Variants in CDH8 observed in about 807,000 individuals in gnomAD.
CDH8 encodes cadherin-8.
In CDH8, 17 loss-of-function variants were observed where a neutral mutation model predicts 68.1. That is an observed-to-expected ratio of 0.25 (90% CI 0.17 to 0.37). The LOEUF is 0.37. Among genes scored for constraint, CDH8 ranks in the 10% least tolerant of loss-of-function variants. The pLI is 1.00. For synonymous variants in CDH8, 372 were observed against 365.1 expected (o/e 1.02, Z -0.21); for missense variants, 763 against 999.3 (o/e 0.76, Z 3.19).
At chr16:61,811,751 C>T (rs1301452814) in intron 7 of CDH8, among the ~76,000 whole-genome samples, 1 of 152,092 alleles carries the variant, frequency 6.6e-6, no homozygotes, top group African/African-American at 2.4e-5. Flanking sequence ...TACGCAACAA[C>T]ATGAATGAAT....
chr16:61,689,724 T>C (rs1964181100), intron 10 of CDH8, among the ~76,000 whole-genome samples: 1 of 152,024 alleles, frequency 6.6e-6, no homozygotes, highest in Admixed American at 6.6e-5. Flanking sequence ...TTTTCTTCAG[T>C]GATGATAAGA....
At chr16:62,032,673 C>CT in intron 1 of CDH8, among the ~76,000 whole-genome samples, 1 of 152,250 alleles carries the variant, frequency 6.6e-6, no homozygotes, top group East Asian at 1.9e-4. Context: ...TCCGATTATG[C>CT]TTGTCCCTTG....
chr16:61,688,709 C>T (rs1964154739), intron 10 of CDH8, among the ~76,000 whole-genome samples: 1 of 151,882 alleles, frequency 6.6e-6, no homozygotes, highest in Non-Finnish European at 1.5e-5. Flanking sequence ...GGGATGTCGT[C>T]TACTGAGAGA....
At chr16:61,985,231 C>A (rs951547080) in intron 2 of CDH8, among the ~76,000 whole-genome samples, 1 of 151,974 alleles carries the variant, frequency 6.6e-6, no homozygotes, top group African/African-American at 2.4e-5. Flanking sequence ...TTAAATAGCC[C>A]TCTAAGAAAG....
chr16:61,864,338 GTTGGTTGA>G (rs1963212997), intron 3 of CDH8, among the ~76,000 whole-genome samples: 1 of 142,562 alleles, frequency 7.0e-6, no homozygotes, highest in African/African-American at 2.6e-5. Flanking sequence ...TGGTTGGTTG[GTTGGTTGA>G]TTGAAAGTCT....
intron 10 of CDH8, among the ~76,000 whole-genome samples, chr16:61,663,914 G>C (rs1371769024): frequency 6.6e-6 from 1 of 152,032 alleles, no homozygotes; most frequent in Non-Finnish European, 1.5e-5. Context: ...ACAAGGAAGA[G>C]AGAGAGTACA....
chr16:61,896,145 C>T (rs1157036708), intron 3 of CDH8, among the ~76,000 whole-genome samples: 3 of 152,138 alleles, frequency 2.0e-5, no homozygotes, highest in African/African-American at 7.2e-5. Flanking sequence ...CATTGAAAAA[C>T]CAACTTCAGC....
intron 4 of CDH8, among the ~76,000 whole-genome samples, chr16:61,832,237 T>C (rs543886356): frequency 6.6e-6 from 1 of 151,776 alleles, no homozygotes; most frequent in Non-Finnish European, 1.5e-5. Flanking sequence ...TCGGCCTCCA[T>C]AAGGCTCAAA....
At chr16:61,693,204 A>G (rs1964266167) in intron 10 of CDH8, 1 of 152,146 alleles carries the variant, frequency 6.6e-6, no homozygotes, top group South Asian at 2.1e-4. Flanking sequence ...TATTTCCTTC[A>G]GTTCTTGTCT....
At chr16:61,656,938 A>G (rs1430723738) in intron 10 of CDH8, among the ~76,000 whole-genome samples, 1 of 152,170 alleles carries the variant, frequency 6.6e-6, no homozygotes, top group East Asian at 1.9e-4. Flanking sequence ...TTACTGAAAG[A>G]TATACATTTA....
intron 10 of CDH8, among the ~76,000 whole-genome samples, chr16:61,683,992 G>GAA (rs1206910367): frequency 6.6e-6 from 1 of 152,014 alleles, no homozygotes; most frequent in East Asian, 1.9e-4. Flanking sequence ...GTTGAAGACA[G>GAA]AACACAGACA....
chr16:61,666,643 C>T (rs1037873855), intron 10 of CDH8, among the ~76,000 whole-genome samples: 17 of 151,808 alleles, frequency 1.1e-4, no homozygotes, highest in Admixed American at 2.0e-4. Context: ...TTGTGCCTTG[C>T]GAGAAATGTT....
At chr16:61,845,859 T>G (rs1962796441) in intron 4 of CDH8, among the ~76,000 whole-genome samples, 3 of 152,106 alleles carry the variant, frequency 2.0e-5, no homozygotes, top group Admixed American at 1.3e-4. Flanking sequence ...CATAGGAGTT[T>G]GAAAAACCGA....
chr16:61,921,229 A>G (rs1351450801), intron 2 of CDH8, among the ~76,000 whole-genome samples: 2 of 151,280 alleles, frequency 1.3e-5, no homozygotes, highest in Admixed American at 6.6e-5. Flanking sequence ...CAATGTGCAC[A>G]TGTACCTTAA....
At chr16:62,019,014 C>A (rs1217400506) in intron 2 of CDH8, among the ~76,000 whole-genome samples, 1 of 152,132 alleles carries the variant, frequency 6.6e-6, no homozygotes, top group Non-Finnish European at 1.5e-5. Context: ...AATTGTTCTC[C>A]CAGGCATAGC....
At chr16:61,985,174 A>G (rs558362841) in intron 2 of CDH8, among the ~76,000 whole-genome samples, 6 of 152,046 alleles carry the variant, frequency 3.9e-5, no homozygotes, top group African/African-American at 1.4e-4. Flanking sequence ...TGTAGATGGT[A>G]AGACTAACAT....
intron 2 of CDH8, among the ~76,000 whole-genome samples, chr16:62,002,403 C>A (rs1356585666): frequency 6.6e-6 from 1 of 152,152 alleles, no homozygotes; most frequent in Non-Finnish European, 1.5e-5. Flanking sequence ...AGATGACTGA[C>A]CTTAGAGGAA....
intron 10 of CDH8, among the ~76,000 whole-genome samples, chr16:61,668,667 G>GA (rs1567412228): frequency 8.2e-5 from 10 of 121,834 alleles, no homozygotes; most frequent in Non-Finnish European, 1.6e-4. Flanking sequence ...AAACCACTTA[G>GA]GAAAAAAAAA....
intron 3 of CDH8, among the ~76,000 whole-genome samples, chr16:61,880,300 T>G (rs924272575): frequency 6.6e-6 from 1 of 152,204 alleles, no homozygotes; most frequent in African/African-American, 2.4e-5. Context: ...AAGTTAGAGT[T>G]GTCTAGGCAA....
Sources: allele counts gnomAD v4.1 joint callset (sites outside exome capture counted in the v4.1 genomes callset), GRCh38; gene constraint gnomAD v4.1.1; transcripts MANE v1.5; gene names NCBI Gene and HGNC (gene_info 2026-07-23, HGNC 2026-07-21).